Variants in DEK observed in about 807,000 individuals in gnomAD.
DEK encodes protein DEK.
A neutral mutation model predicts 46.8 loss-of-function variants in DEK; 28 were observed. That is an observed-to-expected ratio of 0.60 (90% CI 0.44 to 0.82). DEK has a LOEUF of 0.82. DEK is among the 40% of genes least tolerant of loss of function. The pLI, the probability that DEK is intolerant of heterozygous loss-of-function variation, is 0.00. For missense variants in DEK, 416 were observed against 430.6 expected (o/e 0.97, Z 0.30); for synonymous variants, 160 against 144.5 (o/e 1.11, Z -0.77).
At position 18,255,580 on chromosome 6, in the gene DEK, G is replaced by A. The variant is rs533291913; in HGVS notation, c.573+151C>T. On this transcript the variant is annotated intron_variant, in intron 6 of 10. Coordinates refer to ENST00000652689, the MANE Select transcript of DEK (RefSeq NM_003472.4). The stretch of plus-strand genomic sequence containing the variant: ...ATGGCATCTATATTATTTCTATCAG[G>A]AAATTACTGCAGATACGTCAACAGA... The A allele has an allele frequency of 4.2e-4, 384 of 911,122 alleles. 2 individuals carry two copies. The highest frequency in any genetic ancestry group is 3.1e-3 in the African/African-American group (181 of 58,462). The allele number at this position is 911,122 out of a possible 1,614,324, so 56.4% of individuals were successfully genotyped here.
chr6:18,247,735 G>A (rs372245116), intron 7 of DEK, among the ~76,000 whole-genome samples: 6 of 151,738 alleles, frequency 4.0e-5, no homozygotes, highest in South Asian at 2.1e-4. Context: ...ACAATGGTGC[G>A]ATCTCAGCTC....
chr6:18,224,850 G>C lies in DEK; in HGVS notation c.*869C>G, dbSNP rs1790037495. The C allele has an allele frequency of 4.7e-6, 1 of 210,788 alleles. No individual in the cohort carries two copies. 13.1% of individuals were successfully genotyped at this position (210,788 alleles called of 1,614,324 possible). A position where few individuals can be genotyped will look rare whatever the true frequency, so the allele number is the denominator to read the frequency against. ...TCCCAAAGTTTTTGAAGCTTTGATAGGTTGATTTTTGGTCTGTCCTTATAT... is the reference window on the plus strand; with the variant it reads ...TCCCAAAGTTTTTGAAGCTTTGATACGTTGATTTTTGGTCTGTCCTTATAT... On this transcript the variant is annotated 3_prime_UTR_variant, in exon 11 of 11. Coordinates refer to ENST00000652689, the MANE Select transcript of DEK (RefSeq NM_003472.4).
chr6:18,260,069 T>G (rs971031820), intron 2 of DEK, among the ~76,000 whole-genome samples: 3 of 152,202 alleles, frequency 2.0e-5, no homozygotes, highest in Admixed American at 6.5e-5. Flanking sequence ...TCAGTATCTG[T>G]GAGGGATTGG....
intron 1 of DEK, 149 bp from the exon 2 acceptor site, chr6:18,264,145 C>T (rs1487848992): frequency 6.4e-6 from 4 of 623,314 alleles, no homozygotes; most frequent in African/African-American, 1.9e-5. Flanking sequence ...GCTCAGTCCC[C>T]AGGGGCGGCT....
At chr6:18,255,640 C>G (rs1791564822) in intron 6 of DEK, 91 bp downstream of exon 6, 1 of 1,405,560 alleles carries the variant, frequency 7.1e-7, no homozygotes, top group South Asian at 1.4e-5. Flanking sequence ...TGAACGAATA[C>G]TGACAGCAAT....
At chr6:18,228,394 G>A (rs1388593822) in intron 9 of DEK, among the ~76,000 whole-genome samples, 1 of 151,972 alleles carries the variant, frequency 6.6e-6, no homozygotes, top group Non-Finnish European at 1.5e-5. Context: ...TGCCCCGGGA[G>A]GTTCCAAGAT....
At chr6:18,256,497 A>T in intron 4 of DEK, 42 bp from the exon 5 acceptor site, 1 of 1,508,738 alleles carries the variant, frequency 6.6e-7, no homozygotes, top group Non-Finnish European at 9.1e-7. Context: ...ATTACCCAGT[A>T]ATGTACACAA....
chr6:18,247,280 AG>A (rs973551428), intron 7 of DEK, among the ~76,000 whole-genome samples: 12 of 152,110 alleles, frequency 7.9e-5, no homozygotes, highest in African/African-American at 2.9e-4. Context: ...GGGAAAAAAA[AG>A]GGGGGGAAAC....
chr6:18,228,018 C>G (rs1790215391), intron 9 of DEK, among the ~76,000 whole-genome samples: 1 of 152,168 alleles, frequency 6.6e-6, no homozygotes, highest in Non-Finnish European at 1.5e-5. Flanking sequence ...TGTCAATTTT[C>G]TCAGTCCTGT....
chr6:18,251,578 T>G (rs78309943), intron 6 of DEK, among the ~76,000 whole-genome samples: 1 of 152,192 alleles, frequency 6.6e-6, no homozygotes, highest in Non-Finnish European at 1.5e-5. Context: ...TCAGAGAAGA[T>G]TCTCTATAAG....
intron 2 of DEK, among the ~76,000 whole-genome samples, chr6:18,263,014 G>A (rs1231032607): frequency 2.0e-5 from 3 of 152,004 alleles, no homozygotes; most frequent in South Asian, 2.1e-4. Flanking sequence ...AATAACCGCA[G>A]ACTAAGCTAA....
intron 2 of DEK, among the ~76,000 whole-genome samples, chr6:18,263,053 G>A (rs996520056): frequency 3.3e-5 from 5 of 152,026 alleles, no homozygotes; most frequent in East Asian, 1.9e-4. Flanking sequence ...GATGCGACTC[G>A]GATTTTTAAA....
chr6:18,226,072 T>G, intron 10 of DEK, 102 bp downstream of exon 10: 6 of 960,906 alleles, frequency 6.2e-6, no homozygotes, highest in Non-Finnish European at 8.6e-6. Flanking sequence ...GGATCAAATG[T>G]GATATTTAGT....
chr6:18,249,665 C>G lies in DEK; in HGVS notation c.748G>C (p.Glu250Gln), dbSNP rs910022553. The change falls in exon 7 of 11, where the codon GAA becomes CAA. Residue 250 changes from glutamate (E) to glutamine (Q), a missense_variant. By Grantham distance (29) the Glu-to-Gln change is conservative (BLOSUM62 2). Transcript: ENST00000652689. The stretch of plus-strand genomic sequence containing the variant: ...AAATATTTTACCTCCTCTTCACTTT[C>G]TTTATCTTCATCATCTGAAGACTCT... ...KEESSDDEDKESEEEPPKKTA... is the reference protein window; with the variant it reads ...KEESSDDEDKQSEEEPPKKTA... 3 of 1,582,622 alleles carry G rather than the reference C, an allele frequency of 1.9e-6. No individual in the cohort carries two copies. Among genetic ancestry groups the G allele is most frequent in the African/African-American group, 2.7e-5 (2 of 72,754 alleles).
intron 7 of DEK, among the ~76,000 whole-genome samples, chr6:18,246,935 A>AT (rs1791145794): frequency 6.6e-6 from 1 of 152,248 alleles, no homozygotes; most frequent in Admixed American, 6.5e-5. Context: ...AATAAACAGA[A>AT]TATTAACTCA....
chr6:18,240,899 C>T (rs1037835993), intron 7 of DEK, among the ~76,000 whole-genome samples: 3 of 152,146 alleles, frequency 2.0e-5, no homozygotes, highest in Non-Finnish European at 4.4e-5. Flanking sequence ...CATGATATAT[C>T]GCACTTACTT....
chr6:18,233,628 A>T (rs957570236), intron 9 of DEK, among the ~76,000 whole-genome samples: 3 of 152,206 alleles, frequency 2.0e-5, no homozygotes, highest in Non-Finnish European at 4.4e-5. Flanking sequence ...CAGAGAAATG[A>T]AATCAAAACC....
At position 18,224,186 on chromosome 6, in the gene DEK, T is replaced by C. The variant is rs1000036179; in HGVS notation, c.*1533A>G. 2 of 174,992 alleles carry C rather than the reference T, an allele frequency of 1.1e-5. No homozygotes were observed. Among genetic ancestry groups the C allele is most frequent in the African/African-American group, 4.7e-5 (2 of 42,198 alleles). 10.8% of individuals were successfully genotyped at this position (174,992 alleles called of 1,614,324 possible). ...CAAGTGACTTAAAACACCAGTGATTTAGATTTATTTTTATTGACAAGGTTT... is the reference window on the plus strand; with the variant it reads ...CAAGTGACTTAAAACACCAGTGATTCAGATTTATTTTTATTGACAAGGTTT... On this transcript the variant is annotated 3_prime_UTR_variant, in exon 11 of 11. Coordinates refer to ENST00000652689, the MANE Select transcript of DEK (RefSeq NM_003472.4).
intron 7 of DEK, among the ~76,000 whole-genome samples, chr6:18,239,866 A>T (rs1029504604): frequency 2.0e-5 from 3 of 152,190 alleles, no homozygotes; most frequent in African/African-American, 7.2e-5. Context: ...AAAAATTCTT[A>T]AGTTCTTTAG....
Sources: gnomAD v4.1 joint callset for allele counts (sites outside exome capture counted in the v4.1 genomes callset) on GRCh38, gnomAD v4.1.1 for gene constraint, MANE v1.5 for transcripts, NCBI Gene and HGNC (gene_info 2026-07-23, HGNC 2026-07-21) for gene names.